The following BEGAIN variants were observed in gnomAD, a reference collection of about 807,000 sequenced individuals.
BEGAIN encodes brain-enriched guanylate kinase-associated protein.
In BEGAIN, 19 loss-of-function variants were observed where a neutral mutation model predicts 35.8. That is an observed-to-expected ratio of 0.53 (90% CI 0.37 to 0.78). The LOEUF (loss-of-function observed/expected upper bound fraction) is 0.78. Ranked by LOEUF, BEGAIN falls within the 30% of genes least tolerant of loss-of-function variation. The pLI, the probability that BEGAIN is intolerant of heterozygous loss-of-function variation, is 0.00. For missense variants in BEGAIN, 795 were observed against 853.6 expected, an observed-to-expected ratio of 0.93 and a Z score of 0.85; for synonymous variants, 462 against 388.6, an observed-to-expected ratio of 1.19 and a Z score of -2.22.
intron 3 of BEGAIN, chr14:100,546,039 ACTGGATCGACACTT>A (rs2032321850): frequency 6.4e-6 from 1 of 156,096 alleles, no homozygotes; most frequent in African/African-American, 2.4e-5. Flanking sequence ...GTCCAGCACA[ACTGGATCGACACTT>A]CATTAGCCCG....
intron 2 of BEGAIN, among the ~76,000 whole-genome samples, chr14:100,561,395 A>G (rs564612764): frequency 6.6e-6 from 1 of 152,250 alleles, no homozygotes; most frequent in Non-Finnish European, 1.5e-5. Flanking sequence ...CCGCCTTCTC[A>G]AGTAGGTGCT....
intron 1 of BEGAIN, among the ~76,000 whole-genome samples, chr14:100,583,209 T>C (rs1208552909): frequency 3.3e-5 from 5 of 151,930 alleles, no homozygotes; most frequent in African/African-American, 7.2e-5. Flanking sequence ...CATGCATCCA[T>C]TGCTTTGTAT....
At chr14:100,578,009 C>G (rs994699424) in intron 1 of BEGAIN, 1 of 399,076 alleles carries the variant, frequency 2.5e-6, no homozygotes, top group South Asian at 1.3e-4. Flanking sequence ...CCACTCCTCT[C>G]CTCCCATGGG....
chr14:100,569,598 A>C (rs1464809752), intron 1 of BEGAIN: 1 of 154,564 alleles, frequency 6.5e-6, no homozygotes, highest in Non-Finnish European at 1.5e-5. Context: ...TCTCACCAGG[A>C]CACCCCCAGC....
chr14:100,583,709 T>TTTTTTTTTTG (rs2035373749), intron 1 of BEGAIN, among the ~76,000 whole-genome samples: 1 of 128,264 alleles, frequency 7.8e-6, no homozygotes. Context: ...TTTTTTTTTT[T>TTTTTTTTTTG]GATGGAGTCT....
chr14:100,538,963 G>T lies in BEGAIN; in HGVS notation c.845C>A (p.Thr282Asn). The T allele has an allele frequency of 6.2e-7, 1 of 1,610,056 alleles. No individual in the cohort carries two copies. Among genetic ancestry groups the T allele is most frequent in the Non-Finnish European group, 8.5e-7 (1 of 1,178,582 alleles). Residue 282 changes from threonine (T) to asparagine (N), a missense_variant, in exon 7 of 7, where the codon ACT (threonine) becomes AAT (asparagine). This residue lies in a region of BEGAIN where 664 missense variants were observed against 647.7 expected (regional missense o/e 1.03). Transcript: ENST00000554140. The stretch of plus-strand genomic sequence containing the variant: ...CTCCTCCTCCTCGGCCGCGCTGTCA[G>T]TGGAGTTCTGGGCCCGCAGGAAGCC... ...DVGFLRAQNS[T>N]DSAAEEEEEA...
intron 1 of BEGAIN, among the ~76,000 whole-genome samples, chr14:100,583,839 G>C (rs2035377669): frequency 1.3e-5 from 2 of 151,668 alleles, no homozygotes; most frequent in South Asian, 2.1e-4. Flanking sequence ...TGGAACTACA[G>C]GTGCACACCA....
intron 1 of BEGAIN, among the ~76,000 whole-genome samples, chr14:100,583,340 G>T (rs1362189420): frequency 1.3e-5 from 2 of 151,916 alleles, no homozygotes; most frequent in African/African-American, 4.8e-5. Flanking sequence ...ATCATTCATG[G>T]ACATGTATTC....
rs2035127960 is a variant in BEGAIN, at chr14:100,573,261, G to A, written c.43-5322C>T. Among the ~76,000 whole-genome samples, 1 of 123,302 alleles carries A rather than the reference G, an allele frequency of 8.1e-6. No individual in the cohort carries two copies. Among genetic ancestry groups the A allele is most frequent in the Non-Finnish European group, 1.6e-5 (1 of 61,552 alleles). 80.9% of individuals were successfully genotyped at this position (123,302 alleles called of 152,430 possible). On this transcript the variant is annotated intron_variant, in intron 1 of 6. Coordinates refer to ENST00000554140, the MANE Select transcript of BEGAIN (RefSeq NM_001385089.1). This position sits in a 1 kb window ranked among gnomAD's most constrained non-coding sequence, Gnocchi z 4.2. ...GGAGGAGGGGGCTGGTGAGTCTGGGGGGAGGGGCTTCCGGAGGACGGGGCG... is the reference window on the plus strand; with the variant it reads ...GGAGGAGGGGGCTGGTGAGTCTGGGAGGAGGGGCTTCCGGAGGACGGGGCG...
In BEGAIN at chr14:100,568,672, G is replaced by C. The variant is rs540876483; in HGVS notation, c.43-733C>G. On this transcript the variant is annotated intron_variant, in intron 1 of 6. Transcript: ENST00000554140. This position sits in a 1 kb window ranked among gnomAD's most constrained non-coding sequence, Gnocchi z 7.5. ...GCTCAGCCGGGCAGCCCCTCCGCGC[G>C]CCGGGCAGGGGGACCCACCCGCCGC... Among the ~76,000 whole-genome samples, 31 of 151,942 alleles carry C rather than the reference G, an allele frequency of 2.0e-4. No individual in the cohort carries two copies. The South Asian group carries it at 6.0e-3, about 29-fold the overall frequency.
At chr14:100,544,379 C>T (rs910542953) in intron 4 of BEGAIN, among the ~76,000 whole-genome samples, 1 of 152,178 alleles carries the variant, frequency 6.6e-6, no homozygotes, top group Non-Finnish European at 1.5e-5. Flanking sequence ...AGGCCTGCCA[C>T]CCCCCGTCTC....
chr14:100,555,243 CA>C (rs1271039666), intron 2 of BEGAIN, among the ~76,000 whole-genome samples: 11 of 152,260 alleles, frequency 7.2e-5, no homozygotes, highest in Non-Finnish European at 1.5e-4. Context: ...AGCCTTCCAT[CA>C]AAGGAGCAGC....
At chr14:100,541,351 C>T (rs969024492) in intron 5 of BEGAIN, among the ~76,000 whole-genome samples, 1 of 152,230 alleles carries the variant, frequency 6.6e-6, no homozygotes, top group African/African-American at 2.4e-5. Context: ...CCCATGGCTG[C>T]TCCTGGCAAG....
chr14:100,576,471 C>G (rs1432357277), intron 1 of BEGAIN, among the ~76,000 whole-genome samples: 1 of 152,170 alleles, frequency 6.6e-6, no homozygotes. Flanking sequence ...CGGCGAGAGT[C>G]ACCGTGCTCA....
rs2034899593 is a variant in BEGAIN at position 100,568,343 on chromosome 14, G to A, written c.43-404C>T. Reference sequence around the variant, plus strand: ...CGCCCGTTAACCCTTCCTGCCCCGCGCTCCCTCCCGGAGGAAGCCGAACCC... The same window carrying A: ...CGCCCGTTAACCCTTCCTGCCCCGCACTCCCTCCCGGAGGAAGCCGAACCC... On this transcript the variant is annotated intron_variant, in intron 1 of 6. Coordinates refer to ENST00000554140, the MANE Select transcript of BEGAIN (RefSeq NM_001385089.1). The surrounding 1 kb of genome is among the most constrained non-coding windows in gnomAD (Gnocchi z 7.5). 3.3e-6 allele frequency: 2 copies of A among 598,712 alleles called. No homozygotes were observed. The highest frequency in any genetic ancestry group is 2.1e-5 in the South Asian group (1 of 46,704). The allele number at this position is 598,712 out of a possible 1,614,324, so 37.1% of individuals were successfully genotyped here. A position where few individuals can be genotyped will look rare whatever the true frequency, so the allele number is the denominator to read the frequency against.
At chr14:100,546,351 GCCCCGCCCCGGC>G (rs2032388768) in intron 3 of BEGAIN, 138 bp downstream of exon 3, 1 of 125,334 alleles carries the variant, frequency 8.0e-6, no homozygotes, top group Non-Finnish European at 1.7e-5. Flanking sequence ...CCCGGCCCTC[GCCCCGCCCCGGC>G]CCTCGCCCCG....
intron 2 of BEGAIN, among the ~76,000 whole-genome samples, chr14:100,559,474 G>A (rs920633747): frequency 2.0e-5 from 3 of 152,178 alleles, no homozygotes; most frequent in African/African-American, 4.8e-5. Context: ...ACCTTTCAGC[G>A]CCTGCCACCT....
chr14:100,541,531 C>G (rs894207492), intron 5 of BEGAIN, among the ~76,000 whole-genome samples: 9 of 152,262 alleles, frequency 5.9e-5, no homozygotes, highest in African/African-American at 2.2e-4. Flanking sequence ...AGTCGCCAAA[C>G]CCCTCTCAGT....
chr14:100,557,195 T>C (rs149479238), intron 2 of BEGAIN, among the ~76,000 whole-genome samples: 1,622 of 151,070 alleles, frequency 0.011, 29 homozygotes, highest in African/African-American at 0.035. Context: ...CAGCGCGGGC[T>C]CTGCCAGCCT....
Sources: allele counts gnomAD v4.1 joint callset (sites outside exome capture counted in the v4.1 genomes callset), GRCh38; gene constraint gnomAD v4.1.1; regional missense constraint gnomAD v4.1.1; non-coding constraint Gnocchi (gnomAD v3.1); transcripts MANE v1.5; gene names NCBI Gene and HGNC (gene_info 2026-07-23, HGNC 2026-07-21).